SLCO3A1: variants seen among roughly 807,000 people sequenced by gnomAD.
SLCO3A1 encodes solute carrier organic anion transporter family member 3A1, also known as PGE1 transporter.
SLCO3A1 carries 27 observed loss-of-function variants against 63.1 expected under a neutral mutation model. The ratio of observed to expected loss-of-function variants is 0.43; its 90% CI spans 0.32 to 0.59. The LOEUF is 0.59. Ranked by LOEUF, SLCO3A1 falls within the 20% of genes least tolerant of loss-of-function variation. The probability of loss-of-function intolerance (pLI) is 0.09; values close to 1 mark genes in which losing one functional copy is unlikely to be tolerated. For synonymous variants in SLCO3A1, 473 were observed against 409.9 expected (o/e 1.15, Z -1.86); for missense variants, 773 against 945.8 (o/e 0.82, Z 2.40).
At chr15:92,014,308 TG>T (rs1234828334) in intron 2 of SLCO3A1, among the ~76,000 whole-genome samples, 1 of 152,010 alleles carries the variant, frequency 6.6e-6, no homozygotes, top group Non-Finnish European at 1.5e-5. Flanking sequence ...GCCAAATACC[TG>T]GGCACAGATG....
At chr15:91,973,934 T>C (rs1900985772) in intron 2 of SLCO3A1, among the ~76,000 whole-genome samples, 2 of 152,228 alleles carry the variant, frequency 1.3e-5, no homozygotes. Context: ...TGTGCCATCA[T>C]TCCTGGCTCA....
chr15:92,147,354 A>G (rs979948764), intron 8 of SLCO3A1, among the ~76,000 whole-genome samples, 195 bp downstream of exon 8: 2 of 152,082 alleles, frequency 1.3e-5, no homozygotes, highest in Admixed American at 1.3e-4. Flanking sequence ...AGAAGAAGGC[A>G]GGGCATGGGG....
rs1183677708 is a variant in SLCO3A1 at position 91,950,115 on chromosome 15, G to T, written c.646+33657G>T. Among the ~76,000 whole-genome samples, 2 of 152,226 alleles carry T rather than the reference G, an allele frequency of 1.3e-5. No homozygotes were observed. The highest frequency in any genetic ancestry group is 2.9e-5 in the Non-Finnish European group (2 of 68,040). On this transcript the variant is annotated intron_variant, in intron 2 of 9. Coordinates refer to ENST00000318445, the MANE Select transcript of SLCO3A1 (RefSeq NM_013272.4). The surrounding 1 kb of genome is among the most constrained non-coding windows in gnomAD (Gnocchi z 4.4). ...GGAAAAATTAGTCCTGACAAGGGAG[G>T]TTTTTAGGAGAAAGGCAGATTGAAG...
intron 2 of SLCO3A1, among the ~76,000 whole-genome samples, chr15:91,939,655 G>T (rs1185806807): frequency 6.6e-6 from 1 of 152,094 alleles, no homozygotes; most frequent in East Asian, 1.9e-4. Context: ...TGACAGAGGG[G>T]GTGCCAGGCT....
At chr15:92,034,253 G>A (rs548218442) in intron 2 of SLCO3A1, among the ~76,000 whole-genome samples, 5 of 151,660 alleles carry the variant, frequency 3.3e-5, no homozygotes, top group Non-Finnish European at 3.0e-5. Flanking sequence ...AGATGGATTC[G>A]ATGTAGAGAA....
chr15:91,982,292 G>T (rs943419344), intron 2 of SLCO3A1, among the ~76,000 whole-genome samples: 1 of 152,260 alleles, frequency 6.6e-6, no homozygotes, highest in Non-Finnish European at 1.5e-5. Flanking sequence ...TTTTAAGATG[G>T]CTTAGCCCAC....
intron 1 of SLCO3A1, among the ~76,000 whole-genome samples, chr15:91,887,798 C>T (rs1897764022): frequency 6.6e-6 from 1 of 152,140 alleles, no homozygotes; most frequent in Admixed American, 6.5e-5. Flanking sequence ...TAGCTGTGTG[C>T]CCTTGGACAA....
At chr15:91,867,293 C>T (rs759913157) in intron 1 of SLCO3A1, among the ~76,000 whole-genome samples, 8 of 152,194 alleles carry the variant, frequency 5.3e-5, no homozygotes, top group South Asian at 2.1e-4. Flanking sequence ...ACAGCTTCCT[C>T]GCATGCTGAG....
In SLCO3A1 at chr15:92,096,560, C is replaced by G. The variant is rs568433310; in HGVS notation, c.745+1581C>G. ...GCCATATTTCCTTTCTCTCTGAAAA[C>G]AGAGGGTGAGAAGCCATTCCAGCCT... On this transcript the variant is annotated intron_variant, in intron 3 of 9. Transcript: ENST00000318445. 1.8e-4 allele frequency among the ~76,000 whole-genome samples: 27 copies of G among 152,296 alleles called. No individual in the cohort carries two copies. In the East Asian group the frequency reaches 3.5e-3, roughly 20 times the overall value.
Position 92,165,116 on chromosome 15 carries a change from G to T in SLCO3A1, c.*1981G>T. On this transcript the variant is annotated 3_prime_UTR_variant, in exon 10 of 10. Transcript: ENST00000318445. Reference sequence around the variant, plus strand: ...TGTAAATGAAGAGGCTTGAATGACAGCCCAAATCTAGAGAAGGCACTCAGC... The same window carrying T: ...TGTAAATGAAGAGGCTTGAATGACATCCCAAATCTAGAGAAGGCACTCAGC... The T allele has an allele frequency of 2.1e-5, 21 of 985,420 alleles. No individual in the cohort carries two copies. The highest frequency in any genetic ancestry group is 2.5e-5 in the Non-Finnish European group (21 of 829,926). 61.0% of individuals were successfully genotyped at this position (985,420 alleles called of 1,614,324 possible). A position where few individuals can be genotyped will look rare whatever the true frequency, so the allele number is the denominator to read the frequency against.
intron 2 of SLCO3A1, among the ~76,000 whole-genome samples, chr15:92,080,307 G>A (rs2151522741): frequency 6.6e-6 from 1 of 152,038 alleles, no homozygotes; most frequent in East Asian, 1.9e-4. Context: ...TGCCCCTATG[G>A]AAAAGGTGAT....
intron 2 of SLCO3A1, among the ~76,000 whole-genome samples, chr15:92,055,527 C>G (rs1301031881): frequency 6.6e-6 from 1 of 152,060 alleles, no homozygotes; most frequent in Admixed American, 6.6e-5. Context: ...TAATGCAGAA[C>G]TTCCTTTCCT....
intron 2 of SLCO3A1, among the ~76,000 whole-genome samples, chr15:92,039,148 A>G (rs969187488): frequency 1.3e-5 from 2 of 152,216 alleles, no homozygotes; most frequent in African/African-American, 4.8e-5. Context: ...CCTAGGCAAT[A>G]CAATTAAGGA....
At chr15:91,914,572 T>TTTC (rs1898591616) in intron 1 of SLCO3A1, among the ~76,000 whole-genome samples, 4 of 149,250 alleles carry the variant, frequency 2.7e-5, no homozygotes, top group African/African-American at 9.9e-5. Flanking sequence ...TCTTCCTTTT[T>TTTC]TTTTTTTTTT....
intron 2 of SLCO3A1, among the ~76,000 whole-genome samples, chr15:92,090,221 T>A (rs1287579619): frequency 6.6e-6 from 1 of 152,202 alleles, no homozygotes; most frequent in East Asian, 1.9e-4. Flanking sequence ...AGATGTAATG[T>A]CACTGAAAGA....
At chr15:92,067,069 G>C (rs1022405087) in intron 2 of SLCO3A1, among the ~76,000 whole-genome samples, 2 of 152,194 alleles carry the variant, frequency 1.3e-5, no homozygotes, top group South Asian at 4.1e-4. Flanking sequence ...GTCAGCTAGA[G>C]CTTAAATAGG....
At chr15:92,005,800 C>G (rs530791043) in intron 2 of SLCO3A1, among the ~76,000 whole-genome samples, 1 of 152,132 alleles carries the variant, frequency 6.6e-6, no homozygotes, top group South Asian at 2.1e-4. Context: ...AGTCACCTTC[C>G]CTTTTGTAGG....
intron 2 of SLCO3A1, among the ~76,000 whole-genome samples, chr15:91,975,705 T>A (rs1055423272): frequency 1.3e-5 from 2 of 152,190 alleles, no homozygotes; most frequent in Non-Finnish European, 2.9e-5. Context: ...TAGCACAGCC[T>A]CCTCCTTCCT....
chr15:92,154,449 A>G (rs1004055257), intron 9 of SLCO3A1, among the ~76,000 whole-genome samples: 11 of 152,210 alleles, frequency 7.2e-5, no homozygotes, highest in Admixed American at 1.3e-4. Flanking sequence ...TGGCTTCTGT[A>G]GCCTACTTTA....
Sources: gnomAD v4.1 joint callset for allele counts (sites outside exome capture counted in the v4.1 genomes callset) on GRCh38, gnomAD v4.1.1 for gene constraint, Gnocchi (gnomAD v3.1) non-coding constraint, MANE v1.5 for transcripts, NCBI Gene and HGNC (gene_info 2026-07-23, HGNC 2026-07-21) for gene names.